The following CNTNAP2 variants were observed in gnomAD, a reference collection of about 807,000 sequenced individuals.
CNTNAP2 encodes contactin associated protein 2, also known as contactin-associated protein-like 2.
CNTNAP2 carries 98 observed loss-of-function variants against 155.2 expected under a neutral mutation model. The observed-to-expected ratio is 0.63, with a 90% CI of 0.54 to 0.75. The LOEUF is 0.75. Ranked by LOEUF, CNTNAP2 falls within the 30% of genes least tolerant of loss-of-function variation. The pLI is 0.00. For synonymous variants in CNTNAP2, 651 were observed against 631.2 expected, an observed-to-expected ratio of 1.03 and a Z score of -0.47; for missense variants, 1,727 against 1,688.1, an observed-to-expected ratio of 1.02 and a Z score of -0.40.
chr7:148,368,727 C>A (rs1253366180), intron 21 of CNTNAP2, among the ~76,000 whole-genome samples: 2 of 152,174 alleles, frequency 1.3e-5, no homozygotes, highest in African/African-American at 4.8e-5. Context: ...GGGCTCACAA[C>A]TCTAAGGGGG....
At chr7:146,986,616 C>T (rs918298481) in intron 3 of CNTNAP2, among the ~76,000 whole-genome samples, 4 of 152,134 alleles carry the variant, frequency 2.6e-5, no homozygotes, top group African/African-American at 9.7e-5. Context: ...TTTACATTCC[C>T]GCTAGCAGTG....
intron 14 of CNTNAP2, among the ~76,000 whole-genome samples, chr7:147,935,165 T>C (rs923837287): frequency 3.9e-5 from 6 of 152,178 alleles, no homozygotes; most frequent in East Asian, 1.9e-4. Context: ...TCTCATTCTG[T>C]CGCCAGGCTG....
At chr7:146,706,385 T>C (rs1159292585) in intron 1 of CNTNAP2, among the ~76,000 whole-genome samples, 3 of 151,998 alleles carry the variant, frequency 2.0e-5, no homozygotes, top group Admixed American at 2.0e-4. Context: ...GAAAATGCTA[T>C]GAAGAAAAAT....
intron 1 of CNTNAP2, among the ~76,000 whole-genome samples, chr7:146,368,554 C>T (rs941723831): frequency 6.6e-6 from 1 of 152,070 alleles, no homozygotes; most frequent in South Asian, 2.1e-4. Flanking sequence ...AAAGCCTTCC[C>T]TTGTTACTCA....
chr7:146,954,548 G>A (rs796466785), intron 3 of CNTNAP2, among the ~76,000 whole-genome samples: 4 of 152,042 alleles, frequency 2.6e-5, no homozygotes, highest in African/African-American at 7.2e-5. Flanking sequence ...TTCAACTATT[G>A]GAGCAGACAA....
rs149263464 is a variant in CNTNAP2, at chr7:148,360,376, G to A, written c.3476-23273G>A. On this transcript the variant is annotated intron_variant, in intron 21 of 23. Transcript: ENST00000361727. ...GAAAAGAGAACAGGTGTGAAGCAACGAAGGAAATTGCTTCTCCAAATGAAA... is the reference window on the plus strand; with the variant it reads ...GAAAAGAGAACAGGTGTGAAGCAACAAAGGAAATTGCTTCTCCAAATGAAA... Among the ~76,000 whole-genome samples, 398 of 152,294 alleles carry A rather than the reference G, an allele frequency of 2.6e-3. 7 individuals are homozygous for A. The East Asian group carries it at 0.056, about 21-fold the overall frequency.
chr7:146,160,093 C>T (rs1798193612), intron 1 of CNTNAP2, among the ~76,000 whole-genome samples: 1 of 152,180 alleles, frequency 6.6e-6, no homozygotes, highest in Non-Finnish European at 1.5e-5. Flanking sequence ...TGAATGACTA[C>T]TGAGCACATA....
intron 1 of CNTNAP2, among the ~76,000 whole-genome samples, chr7:146,616,441 C>G (rs1479004543): frequency 6.6e-6 from 1 of 152,050 alleles, no homozygotes; most frequent in East Asian, 1.9e-4. Flanking sequence ...GATGATTGTT[C>G]AATATGAGGA....
intron 18 of CNTNAP2, among the ~76,000 whole-genome samples, chr7:148,206,347 A>G (rs1795449007): frequency 6.6e-6 from 1 of 150,616 alleles, no homozygotes; most frequent in Non-Finnish European, 1.5e-5. Flanking sequence ...ATATCTAAAT[A>G]TAACATATTT....
intron 9 of CNTNAP2, among the ~76,000 whole-genome samples, chr7:147,306,617 G>A (rs1014239006): frequency 1.3e-5 from 2 of 152,198 alleles, no homozygotes; most frequent in African/African-American, 2.4e-5. Context: ...CACATTCTAC[G>A]TGGAACTAAC....
In CNTNAP2 at chr7:148,415,563, G is replaced by A; in HGVS notation, c.3943G>A (p.Asp1315Asn). Residue 1315 changes from aspartate (D) to asparagine (N), a missense_variant, in exon 24 of 24, where the codon GAC becomes AAC. Transcript: ENST00000361727. The part of the protein sequence containing the change: ...ESADAAIMNN[D>N]PNFTETIDES... Reference sequence around the variant, plus strand: ...CGCGGACGCCGCCATCATGAACAACGACCCCAACTTCACAGAGACCATTGA... The same window carrying A: ...CGCGGACGCCGCCATCATGAACAACAACCCCAACTTCACAGAGACCATTGA... The A allele has an allele frequency of 6.2e-7, 1 of 1,614,212 alleles. No homozygotes were observed. The highest frequency in any genetic ancestry group is 8.5e-7 in the Non-Finnish European group (1 of 1,180,040).
At chr7:147,550,771 A>G (rs1169082376) in intron 11 of CNTNAP2, among the ~76,000 whole-genome samples, 2 of 152,332 alleles carry the variant, frequency 1.3e-5, no homozygotes, top group Non-Finnish European at 2.9e-5. Flanking sequence ...CCAAATAACC[A>G]CAACAGATAT....
At chr7:147,508,022 A>G (rs1798943259) in intron 11 of CNTNAP2, among the ~76,000 whole-genome samples, 1 of 152,020 alleles carries the variant, frequency 6.6e-6, no homozygotes, top group Non-Finnish European at 1.5e-5. Context: ...TTCCTTCTCA[A>G]CATATGCACT....
At chr7:147,044,375 C>G (rs533297245) in intron 4 of CNTNAP2, among the ~76,000 whole-genome samples, 1 of 151,956 alleles carries the variant, frequency 6.6e-6, no homozygotes, top group Non-Finnish European at 1.5e-5. Flanking sequence ...ATTGCCTTGC[C>G]TTATGAAATA....
chr7:146,303,315 A>G (rs1393769454), intron 1 of CNTNAP2, among the ~76,000 whole-genome samples: 3 of 152,176 alleles, frequency 2.0e-5, no homozygotes, highest in African/African-American at 7.2e-5. Context: ...TGCCTCAATT[A>G]TAAGCAATTT....
intron 13 of CNTNAP2, among the ~76,000 whole-genome samples, chr7:147,756,637 GA>G (rs561082370): frequency 2.0e-5 from 3 of 152,058 alleles, no homozygotes; most frequent in East Asian, 3.9e-4. Flanking sequence ...GAACTTTTAA[GA>G]AAAAAATACT....
At chr7:148,363,958 T>C (rs1020472089) in intron 21 of CNTNAP2, among the ~76,000 whole-genome samples, 3 of 152,140 alleles carry the variant, frequency 2.0e-5, no homozygotes, top group East Asian at 1.9e-4. Context: ...CCCGGGCCAG[T>C]GGCTGCGGAG....
intron 1 of CNTNAP2, among the ~76,000 whole-genome samples, chr7:146,672,828 A>G (rs1800333100): frequency 6.6e-6 from 1 of 152,110 alleles, no homozygotes; most frequent in African/African-American, 2.4e-5. Flanking sequence ...TTGCAATCTC[A>G]TATTTGTGTT....
intron 9 of CNTNAP2, among the ~76,000 whole-genome samples, chr7:147,358,018 A>G (rs1242962617): frequency 6.6e-6 from 1 of 152,190 alleles, no homozygotes; most frequent in Non-Finnish European, 1.5e-5. Context: ...GTATCTGTGA[A>G]AAGGCACCAG....
Sources: gnomAD v4.1 joint callset for allele counts (sites outside exome capture counted in the v4.1 genomes callset) on GRCh38, gnomAD v4.1.1 for gene constraint, MANE v1.5 for transcripts, NCBI Gene and HGNC (gene_info 2026-07-23, HGNC 2026-07-21) for gene names.